The following GJB7 variants were observed in gnomAD, a reference collection of about 807,000 sequenced individuals.
GJB7 encodes the protein gap junction beta-7 protein.
For missense variants in GJB7, 253 were observed against 256.8 expected, an observed-to-expected ratio of 0.99 and a Z score of 0.10; for synonymous variants, 87 against 95.2, an observed-to-expected ratio of 0.91 and a Z score of 0.50.
At position 87,284,055 on chromosome 6, in the gene GJB7, T is replaced by G; in HGVS notation, c.*186A>C. On this transcript the variant is annotated 3_prime_UTR_variant, in exon 3 of 3. Transcript: ENST00000525899. ...CAAATGATACTAAGGCTGATGTGCT[T>G]TGTCTTCCAACTCAGCTTAGGCCTT... is the stretch of plus-strand genomic sequence containing the variant. The G allele has an allele frequency of 3.4e-6, 2 of 582,774 alleles. No individual in the cohort carries two copies. Among genetic ancestry groups the G allele is most frequent in the Non-Finnish European group, 6.1e-6 (2 of 328,040 alleles). 36.1% of individuals were successfully genotyped at this position (582,774 alleles called of 1,614,324 possible).
chr6:87,284,741 G>T lies in GJB7; in HGVS notation c.172C>A (p.Pro58Thr), dbSNP rs746588765. ...QKEFECNSRQ[P>T]GCKNVCFDDF... The stretch of plus-strand genomic sequence containing the variant: ...TCAAAACACACATTTTTGCAACCGG[G>T]CTGTCTACTGTTGCACTCAAACTCT... The change falls in exon 3 of 3, where the codon CCC (proline) becomes ACC (threonine). Residue 58 changes from proline (P) to threonine (T), a missense_variant. Transcript: ENST00000525899. 4 of 1,613,962 alleles carry T rather than the reference G, an allele frequency of 2.5e-6. No individual in the cohort carries two copies. In the Admixed American group the frequency reaches 6.7e-5, roughly 27 times the overall value.
intron 2 of GJB7, among the ~76,000 whole-genome samples, chr6:87,319,333 C>T (rs1776625364): frequency 6.6e-6 from 1 of 152,210 alleles, no homozygotes; most frequent in Non-Finnish European, 1.5e-5. Context: ...GCAAGGCCTT[C>T]AGGCTTTTCT....
At chr6:87,315,813 A>AAGAAAG (rs1554214350) in intron 2 of GJB7, among the ~76,000 whole-genome samples, 6 of 148,536 alleles carry the variant, frequency 4.0e-5, no homozygotes, top group African/African-American at 1.5e-4. Flanking sequence ...AAAAAAAAAA[A>AAGAAAG]AAAGAAAGAA....
Position 87,284,460 on chromosome 6 carries a change from A to T in GJB7, c.453T>A (p.Val151=). 6.2e-7 allele frequency: 1 copy of T among 1,614,124 alleles called. No individual in the cohort carries two copies. Among genetic ancestry groups the T allele is most frequent in the South Asian group, 1.1e-5 (1 of 91,086 alleles). The change falls in exon 3 of 3, where the codon GTT becomes GTA. Residue 151 remains valine (V), a synonymous_variant. Transcript: ENST00000525899. ...TCAAATCACACTTTATAAGGTAGGGAACACTAAAGCCATCATATAGCTTAT... is the reference window on the plus strand; with the variant it reads ...TCAAATCACACTTTATAAGGTAGGGTACACTAAAGCCATCATATAGCTTAT... ...LFYKLYDGFS[V]PYLIKCDLKP... is the part of the protein sequence containing the mutation.
chr6:87,316,836 TA>T (rs1352626130), intron 2 of GJB7, among the ~76,000 whole-genome samples: 1 of 152,208 alleles, frequency 6.6e-6, no homozygotes, highest in Non-Finnish European at 1.5e-5. Context: ...TCTTTAGCAA[TA>T]AGAAACACAC....
intron 2 of GJB7, among the ~76,000 whole-genome samples, chr6:87,292,496 G>T (rs1408518467): frequency 6.6e-6 from 1 of 152,116 alleles, no homozygotes; most frequent in Non-Finnish European, 1.5e-5. Context: ...TAGTACAGCA[G>T]TAGAGAGAAG....
At position 87,312,008 on chromosome 6, in the gene GJB7, T is replaced by TA. The variant is rs545699119; in HGVS notation, c.-28+10857dup. Among the ~76,000 whole-genome samples, 47 of 151,964 alleles carry TA rather than the reference T, an allele frequency of 3.1e-4. No individual in the cohort carries two copies. The East Asian group carries it at 6.2e-3, about 20-fold the overall frequency. On this transcript the variant is annotated intron_variant, in intron 2 of 2. Coordinates refer to ENST00000525899, the MANE Select transcript of GJB7 (RefSeq NM_198568.3). ...AAGAACTAGTATGTGGTGATAGAAA[T>TA]AAAAAAGTCAGTTCCCAGGGGAGGG...
chr6:87,297,429 G>A (rs143892665), intron 2 of GJB7, among the ~76,000 whole-genome samples: 1 of 152,310 alleles, frequency 6.6e-6, no homozygotes, highest in African/African-American at 2.4e-5. Flanking sequence ...ATTTTAGTCT[G>A]TGGAAAAATC....
chr6:87,324,034 G>C (rs1047221077), intron 1 of GJB7, among the ~76,000 whole-genome samples: 5 of 150,126 alleles, frequency 3.3e-5, no homozygotes, highest in African/African-American at 1.2e-4. Context: ...GTGATGGTGA[G>C]CATTTTTTCA....
chr6:87,289,468 G>A (rs1469505613), intron 2 of GJB7, among the ~76,000 whole-genome samples: 1 of 152,174 alleles, frequency 6.6e-6, no homozygotes, highest in Non-Finnish European at 1.5e-5. Flanking sequence ...AATTTACCAA[G>A]CAAGCTTCTG....
At chr6:87,310,999 C>A (rs905090346) in intron 2 of GJB7, among the ~76,000 whole-genome samples, 14 of 152,128 alleles carry the variant, frequency 9.2e-5, no homozygotes, top group Admixed American at 7.9e-4. Flanking sequence ...AAGGAATAAA[C>A]TTCTTGTAAG....
intron 2 of GJB7, among the ~76,000 whole-genome samples, chr6:87,288,625 C>G (rs1277580264): frequency 1.3e-5 from 2 of 152,142 alleles, no homozygotes; most frequent in African/African-American, 4.8e-5. Flanking sequence ...TTATGAAGCA[C>G]CATCCAAAGC....
intron 2 of GJB7, among the ~76,000 whole-genome samples, chr6:87,285,838 G>T (rs1776051283): frequency 6.6e-6 from 1 of 152,054 alleles, no homozygotes; most frequent in African/African-American, 2.4e-5. Context: ...TCAACTCATT[G>T]AGTCTAGTTT....
At chr6:87,314,092 CT>C (rs1776548514) in intron 2 of GJB7, among the ~76,000 whole-genome samples, 1 of 152,212 alleles carries the variant, frequency 6.6e-6, no homozygotes, top group Non-Finnish European at 1.5e-5. Flanking sequence ...CTTTTTATAT[CT>C]ACATTAAAGT....
chr6:87,312,290 G>A (rs559485011), intron 2 of GJB7, among the ~76,000 whole-genome samples: 1 of 152,106 alleles, frequency 6.6e-6, no homozygotes, highest in Admixed American at 6.6e-5. Flanking sequence ...GAGGTGGATG[G>A]ATCACGAGGT....
At chr6:87,295,358 A>G (rs1269866967) in intron 2 of GJB7, among the ~76,000 whole-genome samples, 1 of 152,158 alleles carries the variant, frequency 6.6e-6, no homozygotes, top group Non-Finnish European at 1.5e-5. Flanking sequence ...CAGGAATGCA[A>G]TAATCATTAC....
chr6:87,304,378 C>A (rs1473293545), intron 2 of GJB7, among the ~76,000 whole-genome samples: 1 of 152,182 alleles, frequency 6.6e-6, no homozygotes, highest in Non-Finnish European at 1.5e-5. Context: ...AAACTACCAT[C>A]AGAAAATACT....
At chr6:87,317,332 C>G (rs1383139438) in intron 2 of GJB7, among the ~76,000 whole-genome samples, 1 of 152,134 alleles carries the variant, frequency 6.6e-6, no homozygotes, top group Non-Finnish European at 1.5e-5. Context: ...GCACTGTACT[C>G]TAGCCTGGGC....
intron 2 of GJB7, among the ~76,000 whole-genome samples, chr6:87,315,795 C>CAAAAA (rs1161194601): frequency 5.1e-4 from 37 of 72,178 alleles, no homozygotes; most frequent in African/African-American, 1.1e-3. Context: ...GACTCTATCT[C>CAAAAA]AAAAAAAAAA....
Sources: gnomAD v4.1 joint callset for allele counts (sites outside exome capture counted in the v4.1 genomes callset) on GRCh38, gnomAD v4.1.1 for gene constraint, MANE v1.5 for transcripts, NCBI Gene and HGNC (gene_info 2026-07-23, HGNC 2026-07-21) for gene names.